RBBP8NL: variants seen among roughly 807,000 people sequenced by gnomAD.
RBBP8NL encodes RBBP8 N-terminal like.
A neutral mutation model predicts 62.2 loss-of-function variants in RBBP8NL; 59 were observed. That is an observed-to-expected ratio of 0.95 (90% CI 0.77 to 1.18). The LOEUF (loss-of-function observed/expected upper bound fraction) is 1.18. RBBP8NL is among the 50% of genes most tolerant of loss of function. The probability of loss-of-function intolerance (pLI) is 0.00; values close to 1 mark genes in which losing one functional copy is unlikely to be tolerated. For synonymous variants in RBBP8NL, 412 were observed against 394.1 expected, an observed-to-expected ratio of 1.05 and a Z score of -0.54; for missense variants, 896 against 899.5, an observed-to-expected ratio of 1.00 and a Z score of 0.05.
intron 3 of RBBP8NL, among the ~76,000 whole-genome samples, chr20:62,417,534 GT>G (rs1381199581): frequency 1.5e-5 from 1 of 68,190 alleles, no homozygotes; most frequent in East Asian, 5.4e-4. Context: ...ACGCTCCTCT[GT>G]GACGTCTGTC....
In RBBP8NL at chr20:62,413,389, T is replaced by G; in HGVS notation, c.1675+12A>C. On this transcript the variant is annotated intron_variant, in intron 11 of 13. Coordinates refer to ENST00000252998, the MANE Select transcript of RBBP8NL (RefSeq NM_080833.3). Reference sequence around the variant, plus strand: ...CTCCCAGCTGGACTCTGACCCCAGGTGCTGACTGTACCTGGGTGGCCGTCC... The same window carrying G: ...CTCCCAGCTGGACTCTGACCCCAGGGGCTGACTGTACCTGGGTGGCCGTCC... 1 of 1,420,680 alleles carries G rather than the reference T, an allele frequency of 7.0e-7. No individual in the cohort carries two copies. 88.0% of individuals were successfully genotyped at this position (1,420,680 alleles called of 1,614,324 possible).
intron 5 of RBBP8NL, 52 bp from the exon 6 acceptor site, chr20:62,416,288 C>CTGGGGGGGGG: frequency 4.8e-6 from 1 of 206,538 alleles, no homozygotes; most frequent in Non-Finnish European, 9.4e-6. Flanking sequence ...GGGACAGGGG[C>CTGGGGGGGGG]AGGGGTGGGG....
chr20:62,419,761 G>T (rs1158866032), intron 1 of RBBP8NL, 31 bp from the exon 2 acceptor site: 13 of 1,142,568 alleles, frequency 1.1e-5, no homozygotes, highest in African/African-American at 3.1e-5. Flanking sequence ...ACAGGGATCC[G>T]CTCAGGAAGG....
chr20:62,411,222 G>C (rs975896660), intron 13 of RBBP8NL, among the ~76,000 whole-genome samples: 3 of 152,234 alleles, frequency 2.0e-5, no homozygotes, highest in Non-Finnish European at 2.9e-5. Context: ...TCTCCCCATT[G>C]TGTGACCCCG....
rs199573506 is a variant in RBBP8NL, at chr20:62,415,864, C to T, written c.468G>A (p.Lys156=). 5 of 1,611,420 alleles carry T rather than the reference C, an allele frequency of 3.1e-6. No homozygotes were observed. Among genetic ancestry groups the T allele is most frequent in the African/African-American group, 2.7e-5 (2 of 75,024 alleles). ...PLLLPSPGGW[K]AITEKPPGGH... ...CTCCCGGTGGCTTCTCTGTGATGGCCTTCCAGCCACCAGGGGAGGGGAGCA... is the reference window on the plus strand; with the variant it reads ...CTCCCGGTGGCTTCTCTGTGATGGCTTTCCAGCCACCAGGGGAGGGGAGCA... Residue 156 remains lysine (K), a synonymous_variant, in exon 7 of 14, where the codon AAG becomes AAA. Coordinates refer to ENST00000252998, the MANE Select transcript of RBBP8NL (RefSeq NM_080833.3).
At chr20:62,425,758 T>C (rs1988788966) in intron 1 of RBBP8NL, among the ~76,000 whole-genome samples, 1 of 152,216 alleles carries the variant, frequency 6.6e-6, no homozygotes, top group Admixed American at 6.5e-5. Context: ...AGCAGGCTCT[T>C]TGGGGCAGGA....
intron 8 of RBBP8NL, 132 bp downstream of exon 8, chr20:62,415,446 G>T (rs1315088636): frequency 2.2e-6 from 3 of 1,373,082 alleles, no homozygotes; most frequent in African/African-American, 1.4e-5. Context: ...AGTGGCTCCT[G>T]CCCGGGACAA....
At chr20:62,412,972 A>T in intron 11 of RBBP8NL, 72 bp from the exon 12 acceptor site, 1 of 1,542,192 alleles carries the variant, frequency 6.5e-7, no homozygotes, top group Non-Finnish European at 8.9e-7. Context: ...CCAGACTAGG[A>T]TGGGTGGAGC....
At chr20:62,417,617 C>CT (rs1988604249) in intron 3 of RBBP8NL, among the ~76,000 whole-genome samples, 1 of 103,378 alleles carries the variant, frequency 9.7e-6, no homozygotes, top group South Asian at 4.0e-4. Flanking sequence ...GCACCACCCC[C>CT]CCCAGTCATC....
intron 1 of RBBP8NL, among the ~76,000 whole-genome samples, chr20:62,420,671 A>G (rs1988679478): frequency 6.6e-6 from 1 of 152,240 alleles, no homozygotes; most frequent in African/African-American, 2.4e-5. Flanking sequence ...ATGCAGTTGC[A>G]GGTACACGGA....
chr20:62,420,678 C>T (rs772494353), intron 1 of RBBP8NL, among the ~76,000 whole-genome samples: 4 of 152,240 alleles, frequency 2.6e-5, no homozygotes, highest in East Asian at 1.9e-4. Flanking sequence ...TGCAGGTACA[C>T]GGAAACACAC....
intron 8 of RBBP8NL, 135 bp from the exon 9 acceptor site, chr20:62,415,422 G>A (rs1395352178): frequency 5.2e-6 from 7 of 1,357,900 alleles, no homozygotes; most frequent in Middle Eastern, 2.5e-4. Context: ...CCCCACCCAC[G>A]CCAAATGGAG....
At chr20:62,423,997 G>A (rs995240541) in intron 1 of RBBP8NL, among the ~76,000 whole-genome samples, 2 of 151,732 alleles carry the variant, frequency 1.3e-5, no homozygotes, top group African/African-American at 4.8e-5. Context: ...GGGGGAACTC[G>A]GAAGGAGGGT....
intron 11 of RBBP8NL, 129 bp from the exon 12 acceptor site, chr20:62,413,029 G>T: frequency 2.8e-6 from 3 of 1,061,482 alleles, no homozygotes; most frequent in Non-Finnish European, 4.1e-6. Context: ...CAAGTGACCT[G>T]CCCCAGGGCA....
intron 1 of RBBP8NL, among the ~76,000 whole-genome samples, chr20:62,423,613 G>T (rs1287063791): frequency 2.6e-5 from 4 of 152,214 alleles, no homozygotes; most frequent in Non-Finnish European, 5.9e-5. Flanking sequence ...GGTGCCTGCG[G>T]GCCTGGGAGA....
At chr20:62,416,021 C>G in intron 6 of RBBP8NL, 76 bp from the exon 7 acceptor site, 1 of 1,476,338 alleles carries the variant, frequency 6.8e-7, no homozygotes. Flanking sequence ...CGGGCCCACT[C>G]CTGGGTGACC....
At position 62,416,185 on chromosome 20, in the gene RBBP8NL, AC is replaced by A. The variant is rs1405360127; in HGVS notation, c.364del (p.Val122Ter). On this transcript the variant is annotated frameshift_variant, in exon 6 of 14. Coordinates refer to ENST00000252998, the MANE Select transcript of RBBP8NL (RefSeq NM_080833.3). LOFTEE classifies it high-confidence loss of function. ...KEENETLKEE[V>X]KRLRGLGDRP... is the part of the protein sequence containing the mutation. ...TCACCCCAGGCCCCGAAGCCGCTTC[AC>A]CTCCTCCTTCAAGGTCTCGTTCTCT... 2 of 1,606,896 alleles carry A rather than the reference AC, an allele frequency of 1.2e-6. No individual in the cohort carries two copies. Among genetic ancestry groups the A allele is most frequent in the Non-Finnish European group, 1.7e-6 (2 of 1,178,548 alleles).
intron 4 of RBBP8NL, 107 bp from the exon 5 acceptor site, chr20:62,416,979 T>C (rs758747727): frequency 1.5e-5 from 13 of 892,642 alleles, no homozygotes; most frequent in Non-Finnish European, 2.2e-5. Context: ...CTTTGCAAAC[T>C]ATTCCGTAGA....
At position 62,415,783 on chromosome 20, in the gene RBBP8NL, A is replaced by G. The variant is rs1988549492; in HGVS notation, c.544+5T>C. ...CCTCCCAGCCTCACCCGGTCCCCAC[A>G]GCACCTTCTCCCCGTAGGCCCACGC... On this transcript the variant is annotated splice_donor_5th_base_variant and intron_variant, in intron 7 of 13. Coordinates refer to ENST00000252998, the MANE Select transcript of RBBP8NL (RefSeq NM_080833.3). 2 of 1,611,776 alleles carry G rather than the reference A, an allele frequency of 1.2e-6. No homozygotes were observed. Among genetic ancestry groups the G allele is most frequent in the Non-Finnish European group, 1.7e-6 (2 of 1,179,842 alleles).
Sources: gnomAD v4.1 joint callset for allele counts (sites outside exome capture counted in the v4.1 genomes callset) on GRCh38, gnomAD v4.1.1 for gene constraint, MANE v1.5 for transcripts, NCBI Gene and HGNC (gene_info 2026-07-23, HGNC 2026-07-21) for gene names.